The following PSG11 variants were observed in gnomAD, a reference collection of about 807,000 sequenced individuals.
PSG11 encodes the protein pregnancy specific beta-1-glycoprotein 11, also known as pregnancy-specific beta-1-glycoprotein 11.
Under a neutral mutation model 36.0 loss-of-function variants are expected in PSG11, and 42 were observed. The ratio of observed to expected loss-of-function variants is 1.17; its 90% CI spans 0.91 to 1.51. PSG11 has a LOEUF of 1.51. Among genes scored for constraint, PSG11 ranks in the 40% most tolerant of loss-of-function variants. The pLI is 0.00. For missense variants in PSG11, 558 were observed against 403.5 expected (o/e 1.38, Z -3.28); for synonymous variants, 206 against 153.5 (o/e 1.34, Z -2.53).
chr19:43,010,214 C>G, intron 4 of PSG11, 173 bp from the exon 5 acceptor site: 2 of 1,451,618 alleles, frequency 1.4e-6, no homozygotes, highest in South Asian at 1.5e-5. Flanking sequence ...TTTTTTCCCT[C>G]TCACCATGTT....
rs966412441 is a variant in PSG11, at chr19:43,026,382, T to C, written c.-10A>G. On this transcript the variant is annotated 5_prime_UTR_variant, in exon 1 of 6. Coordinates refer to ENST00000320078, the MANE Select transcript of PSG11 (RefSeq NM_002785.3). ...CTGAGAGGGGCCCCATGATCTCTGC[T>C]GCGTGCATGTTCTCCTCTGTGGAGA... 1 of 1,608,748 alleles carries C rather than the reference T, an allele frequency of 6.2e-7. No homozygotes were observed. Among genetic ancestry groups the C allele is most frequent in the East Asian group, 2.2e-5 (1 of 44,574 alleles).
At chr19:43,025,837 CA>C (rs1423264813) in intron 1 of PSG11, among the ~76,000 whole-genome samples, 1 of 146,944 alleles carries the variant, frequency 6.8e-6, no homozygotes, top group Admixed American at 6.8e-5. Flanking sequence ...AATTCCGGTT[CA>C]ATGTGACTTT....
At chr19:43,023,074 G>C (rs1967141796) in intron 2 of PSG11, among the ~76,000 whole-genome samples, 1 of 150,796 alleles carries the variant, frequency 6.6e-6, no homozygotes, top group South Asian at 2.1e-4. Flanking sequence ...CCAGGAACCA[G>C]CTGCCCCCAG....
At chr19:43,019,245 G>A in intron 2 of PSG11, 197 bp from the exon 3 acceptor site, 1 of 1,200,108 alleles carries the variant, frequency 8.3e-7, no homozygotes, top group Non-Finnish European at 1.1e-6. Context: ...CTTTATGTGG[G>A]AGAAGCACAG....
chr19:43,023,186 G>A (rs1055242546), intron 2 of PSG11, among the ~76,000 whole-genome samples: 1 of 150,370 alleles, frequency 6.7e-6, no homozygotes, highest in Non-Finnish European at 1.5e-5. Context: ...GGTAGTGGGG[G>A]GATGAAACAT....
intron 5 of PSG11, 134 bp from the exon 6 acceptor site, chr19:43,008,176 A>T (rs980157192): frequency 1.5e-5 from 4 of 266,116 alleles, no homozygotes; most frequent in Non-Finnish European, 2.9e-5. Context: ...TATGGTAAAG[A>T]CACAGCTCAC....
intron 1 of PSG11, among the ~76,000 whole-genome samples, 176 bp downstream of exon 1, chr19:43,026,133 G>A (rs906755443): frequency 2.7e-5 from 4 of 149,876 alleles, no homozygotes; most frequent in Non-Finnish European, 5.9e-5. Context: ...AGAAGAGACA[G>A]GGCTTCACTC....
intron 2 of PSG11, chr19:43,019,303 A>G: frequency 3.9e-6 from 3 of 768,498 alleles, no homozygotes; most frequent in Non-Finnish European, 5.7e-6. Flanking sequence ...ATGGAAAGAC[A>G]CAGGACCAGC....
chr19:43,021,644 C>A (rs968087250), intron 2 of PSG11, among the ~76,000 whole-genome samples: 1 of 151,472 alleles, frequency 6.6e-6, no homozygotes, highest in Non-Finnish European at 1.5e-5. Context: ...CTGTGCCCAG[C>A]CATCTCAAAG....
At chr19:43,023,732 G>A (rs976210156) in intron 2 of PSG11, among the ~76,000 whole-genome samples, 2 of 151,174 alleles carry the variant, frequency 1.3e-5, no homozygotes, top group South Asian at 2.1e-4. Flanking sequence ...TCCCCTTTGC[G>A]TTTGTGTGAC....
intron 3 of PSG11, among the ~76,000 whole-genome samples, chr19:43,016,986 T>C (rs1243132616): frequency 6.6e-6 from 1 of 151,452 alleles, no homozygotes; most frequent in South Asian, 2.1e-4. Flanking sequence ...GTTTCTTTCA[T>C]TGGATATTCT....
chr19:43,011,722 CA>C (rs1399659165), intron 4 of PSG11, among the ~76,000 whole-genome samples: 1 of 150,554 alleles, frequency 6.6e-6, no homozygotes, highest in South Asian at 2.1e-4. Context: ...ACTGTCTCTA[CA>C]AAAAAATTAA....
In PSG11 at chr19:43,010,555, G is replaced by T. The variant is rs553425827; in HGVS notation, c.965-514C>A. On this transcript the variant is annotated intron_variant, in intron 4 of 5. Coordinates refer to ENST00000320078, the MANE Select transcript of PSG11 (RefSeq NM_002785.3). ...CTAGTTCTCTGAGGCTCTCTTTAACGCTAATGGGTGACTGGTTGGAGGATT... is the reference window on the plus strand; with the variant it reads ...CTAGTTCTCTGAGGCTCTCTTTAACTCTAATGGGTGACTGGTTGGAGGATT... 181 of 513,636 alleles carry T rather than the reference G, an allele frequency of 3.5e-4. 3 individuals carry two copies. Among genetic ancestry groups the T allele is most frequent in the Admixed American group, 7.7e-4 (25 of 32,352 alleles). 31.8% of individuals were successfully genotyped at this position (513,636 alleles called of 1,614,324 possible). A position where few individuals can be genotyped will look rare whatever the true frequency, so the allele number is the denominator to read the frequency against.
In PSG11 at chr19:43,025,065, T is replaced by G. The variant is rs756539275; in HGVS notation, c.65-9A>C. On this transcript the variant is annotated splice_polypyrimidine_tract_variant and intron_variant, in intron 1 of 5. Coordinates refer to ENST00000320078, the MANE Select transcript of PSG11 (RefSeq NM_002785.3). ...GAAGTTTAAAAGTAATGCTAGGAGG[T>G]GGAGAGAGCATCAGTCAATATTGAG... 3.1e-6 allele frequency: 5 copies of G among 1,605,926 alleles called. No individual in the cohort carries two copies. Among genetic ancestry groups the G allele is most frequent in the Non-Finnish European group, 2.6e-6 (3 of 1,176,126 alleles).
chr19:43,015,020 A>T (rs1966922204), intron 4 of PSG11, 96 bp downstream of exon 4: 3 of 1,603,170 alleles, frequency 1.9e-6, no homozygotes, highest in Non-Finnish European at 1.7e-6. Context: ...CCCATGGGAC[A>T]CAGGCTGGGA....
chr19:43,022,799 C>T (rs571989360), intron 2 of PSG11, among the ~76,000 whole-genome samples: 2,574 of 151,004 alleles, frequency 0.017, 153 homozygotes, highest in African/African-American at 0.059. Context: ...TGAAGCCTGG[C>T]AGGAGTGGCA....
rs757697323 is a variant in PSG11, at chr19:43,018,928, C to T, written c.551G>A (p.Gly184Asp). ...PDASYLWWMN[G>D]QSLPMTHRMQ... ...CCTATGAGTCATAGGGAGGCTCTGACCATTCATCCACCACAGGTAGCTTGC... is the reference window on the plus strand; with the variant it reads ...CCTATGAGTCATAGGGAGGCTCTGATCATTCATCCACCACAGGTAGCTTGC... Residue 184 changes from glycine (G) to aspartate (D), a missense_variant, in exon 3 of 6, where the codon GGT (glycine) becomes GAT (aspartate). Transcript: ENST00000320078. 7 of 1,611,870 alleles carry T rather than the reference C, an allele frequency of 4.3e-6. 1 individual carries two copies. In the African/African-American group the frequency reaches 9.4e-5, roughly 22 times the overall value.
chr19:43,014,371 G>A, intron 4 of PSG11: 1 of 931,714 alleles, frequency 1.1e-6, no homozygotes. Flanking sequence ...CTCTGCATCA[G>A]TCACTGTACT....
rs747165740 is a variant in PSG11, at chr19:43,018,988, G to A, written c.491C>T (p.Thr164Ile). ...CTCAGGATTACAGGTTAAGATCACA[G>A]TCTCCATGGCCTCCCTGGGGTTTAA... The part of the protein sequence containing the change: ...SNLNPREAME[T>I]VILTCNPETP... The change falls in exon 3 of 6, where the codon ACT becomes ATT. Residue 164 changes from threonine (T) to isoleucine (I), a missense_variant. By Grantham distance (89) the Thr-to-Ile change is moderately conservative (BLOSUM62 -1). Transcript: ENST00000320078. The A allele has an allele frequency of 1.9e-6, 3 of 1,612,016 alleles. No homozygotes were observed. Among genetic ancestry groups the A allele is most frequent in the Non-Finnish European group, 1.7e-6 (2 of 1,179,182 alleles).
Sources: gnomAD v4.1 joint callset for allele counts (sites outside exome capture counted in the v4.1 genomes callset) on GRCh38, gnomAD v4.1.1 for gene constraint, MANE v1.5 for transcripts, NCBI Gene and HGNC (gene_info 2026-07-23, HGNC 2026-07-21) for gene names.